Variants in TSPOAP1 observed in about 807,000 individuals in gnomAD.
TSPOAP1 encodes the protein TSPO associated protein 1, also known as peripheral-type benzodiazepine receptor-associated protein 1.
In TSPOAP1, 87 loss-of-function variants were observed where a neutral mutation model predicts 197.0. The ratio of observed to expected loss-of-function variants is 0.44; its 90% CI spans 0.37 to 0.53. TSPOAP1 has a LOEUF of 0.53. Among genes scored for constraint, TSPOAP1 ranks in the 20% least tolerant of loss-of-function variants. The probability of loss-of-function intolerance (pLI) is 0.00; values close to 1 mark genes in which losing one functional copy is unlikely to be tolerated. For synonymous variants in TSPOAP1, 913 were observed against 998.9 expected (o/e 0.91, Z 1.62); for missense variants, 2,174 against 2,411.3 (o/e 0.90, Z 2.06).
rs372557183 is a variant in TSPOAP1 at position 58,312,700 on chromosome 17, C to G, written c.2121G>C (p.Arg707Ser). 6 of 1,613,358 alleles carry G rather than the reference C, an allele frequency of 3.7e-6. No individual in the cohort carries two copies. The highest frequency in any genetic ancestry group is 5.1e-6 in the Non-Finnish European group (6 of 1,179,952). ...FFEGELMDGR[R>S]GLVPSNFVER... is the part of the protein sequence containing the mutation. ...CTACAAAATTGGAAGGGACCAGGCCCCTTCGGCCATCCATGAGCTCTCCTG... is the reference window on the plus strand; with the variant it reads ...CTACAAAATTGGAAGGGACCAGGCCGCTTCGGCCATCCATGAGCTCTCCTG... The change falls in exon 17 of 32, where the codon AGG (arginine) becomes AGC (serine). Residue 707 changes from arginine (R) to serine (S), a missense_variant. This residue lies in a region of TSPOAP1 where 1,933 missense variants were observed against 2,139.0 expected (regional missense o/e 0.90). Coordinates refer to ENST00000343736, the MANE Select transcript of TSPOAP1 (RefSeq NM_004758.4).
Position 58,322,939 on chromosome 17 carries a change from G to T in TSPOAP1, c.1194+11C>A, listed in dbSNP as rs374583506. 1 of 1,607,946 alleles carries T rather than the reference G, an allele frequency of 6.2e-7. No homozygotes were observed. The highest frequency in any genetic ancestry group is 1.1e-5 in the South Asian group (1 of 90,144). ...GCACAGGTCTCCACAGCACCTGGGC[G>T]GAAGTGGTACCTGCTCCTTCTCTGT... On this transcript the variant is annotated intron_variant, in intron 8 of 31. Coordinates refer to ENST00000343736, the MANE Select transcript of TSPOAP1 (RefSeq NM_004758.4). This position sits in a 1 kb window ranked among gnomAD's most constrained non-coding sequence, Gnocchi z 5.0.
intron 1 of TSPOAP1, among the ~76,000 whole-genome samples, chr17:58,327,264 G>A (rs11656162): frequency 2.0e-5 from 3 of 152,096 alleles, no homozygotes. Context: ...AGCCCCTAAG[G>A]ACAGACAGAC....
chr17:58,325,225 C>T (rs1420241271), intron 4 of TSPOAP1, among the ~76,000 whole-genome samples: 1 of 152,212 alleles, frequency 6.6e-6, no homozygotes, highest in African/African-American at 2.4e-5. Context: ...CTTGGGTGCT[C>T]TCAATGTGCC....
rs1272227916 is a variant in TSPOAP1, at chr17:58,326,987, C to T, written c.334-197G>A. 2.0e-5 allele frequency among the ~76,000 whole-genome samples: 3 copies of T among 152,122 alleles called. No individual in the cohort carries two copies. The highest frequency in any genetic ancestry group is 2.9e-5 in the Non-Finnish European group (2 of 68,014). On this transcript the variant is annotated intron_variant, in intron 1 of 31. Coordinates refer to ENST00000343736, the MANE Select transcript of TSPOAP1 (RefSeq NM_004758.4). This position sits in a 1 kb window ranked among gnomAD's most constrained non-coding sequence, Gnocchi z 4.7. ...GTCCAGTCCTCCCTGTCCACATAGA[C>T]ACCCCCAAACCTGGCACCCTCCTGC... is the stretch of plus-strand genomic sequence containing the variant.
At chr17:58,319,826 G>A (rs1044745250) in intron 12 of TSPOAP1, among the ~76,000 whole-genome samples, 1 of 152,216 alleles carries the variant, frequency 6.6e-6, no homozygotes, top group African/African-American at 2.4e-5. Flanking sequence ...GGCTCTCTCC[G>A]GCCACTATGG....
chr17:58,309,081 A>G lies in TSPOAP1; in HGVS notation c.4191T>C (p.Pro1397=), dbSNP rs1321667266. 18 of 1,613,186 alleles carry G rather than the reference A, an allele frequency of 1.1e-5. No homozygotes were observed. Among genetic ancestry groups the G allele is most frequent in the Non-Finnish European group, 1.4e-5 (17 of 1,179,994 alleles). ...TCCGGCTGCTTCCACCAACTAATCC[A>G]GGCATGTCTTCCAGGCAGTCTCCAG... ...SRAGDCLEDM[P]GLVGGSSRRR... Residue 1397 remains proline, a synonymous_variant, in exon 22 of 32, where the codon CCT becomes CCC. Coordinates refer to ENST00000343736, the MANE Select transcript of TSPOAP1 (RefSeq NM_004758.4). The surrounding 1 kb of genome is among the most constrained non-coding windows in gnomAD (Gnocchi z 5.0).
rs565862791 is a variant in TSPOAP1 at position 58,304,881 on chromosome 17, T to C, written c.5544+180A>G. ...TCCCTCTGCAGAGAGGGGCACATAC[T>C]GGGGGGCAGCTGCTTGGTGGGGCTC... On this transcript the variant is annotated intron_variant, in intron 30 of 31. Coordinates refer to ENST00000343736, the MANE Select transcript of TSPOAP1 (RefSeq NM_004758.4). This position sits in a 1 kb window ranked among gnomAD's most constrained non-coding sequence, Gnocchi z 4.2. The C allele has an allele frequency of 6.1e-5, 43 of 699,642 alleles. No homozygotes were observed. Among genetic ancestry groups the C allele is most frequent in the African/African-American group, 5.6e-4 (32 of 57,282 alleles). The allele number at this position is 699,642 out of a possible 1,614,324, so 43.3% of individuals were successfully genotyped here.
Position 58,312,735 on chromosome 17 carries a change from G to A in TSPOAP1, c.2099-13C>T. On this transcript the variant is annotated splice_polypyrimidine_tract_variant and intron_variant, in intron 16 of 31. Transcript: ENST00000343736. Reference sequence around the variant, plus strand: ...TCCATGAGCTCTCCTGGCAGGAGGAGGACAGGAAGGGGCAGGGCAGGGGAA... The same window carrying A: ...TCCATGAGCTCTCCTGGCAGGAGGAAGACAGGAAGGGGCAGGGCAGGGGAA... The A allele has an allele frequency of 6.2e-7, 1 of 1,607,968 alleles. No individual in the cohort carries two copies. Among genetic ancestry groups the A allele is most frequent in the Non-Finnish European group, 8.5e-7 (1 of 1,177,056 alleles).
chr17:58,308,297 G>A (rs942000999), intron 22 of TSPOAP1, among the ~76,000 whole-genome samples: 5 of 152,250 alleles, frequency 3.3e-5, no homozygotes, highest in Admixed American at 2.0e-4. Context: ...AGGAAAGGGC[G>A]ACCCTGCCCA....
chr17:58,309,646 G>C lies in TSPOAP1; in HGVS notation c.3892-266C>G, dbSNP rs902871644. Among the ~76,000 whole-genome samples the C allele has an allele frequency of 3.9e-5, 6 of 152,178 alleles. No individual in the cohort carries two copies. The highest frequency in any genetic ancestry group is 1.4e-4 in the African/African-American group (6 of 41,432). ...AGCCCCTGTGGGACAGGAGCATTGA[G>C]GAGCAGGCCTCCCCATCCCCTCCCC... On this transcript the variant is annotated intron_variant, in intron 21 of 31. Coordinates refer to ENST00000343736, the MANE Select transcript of TSPOAP1 (RefSeq NM_004758.4). This position sits in a 1 kb window ranked among gnomAD's most constrained non-coding sequence, Gnocchi z 5.0.
At chr17:58,302,477 A>G (rs958817583) in intron 31 of TSPOAP1, 30 bp from the exon 32 acceptor site, 30 of 1,199,084 alleles carry the variant, frequency 2.5e-5, no homozygotes, top group Non-Finnish European at 3.1e-5. Flanking sequence ...GAGCAAGGTC[A>G]GGGCCTGATT....
intron 24 of TSPOAP1, among the ~76,000 whole-genome samples, chr17:58,307,216 A>C (rs8073527): frequency 0.032 from 4,814 of 152,296 alleles, 271 homozygotes; most frequent in African/African-American, 0.11. Context: ...GGATCTCCTT[A>C]GTCTCAGAGC....
chr17:58,326,201 T>C lies in TSPOAP1; in HGVS notation c.570+92A>G. The C allele has an allele frequency of 2.6e-6, 4 of 1,556,800 alleles. No individual in the cohort carries two copies. The highest frequency in any genetic ancestry group is 8.7e-7 in the Non-Finnish European group (1 of 1,151,892). ...TTTCCTAGGTGCTGAGCTGAGACCG[T>C]GACTCCCAAGCTTCAGACAGCCCTC... On this transcript the variant is annotated intron_variant, in intron 3 of 31. Transcript: ENST00000343736. This position sits in a 1 kb window ranked among gnomAD's most constrained non-coding sequence, Gnocchi z 4.7.
At chr17:58,306,651 A>G in intron 25 of TSPOAP1, 149 bp downstream of exon 25, 1 of 1,067,214 alleles carries the variant, frequency 9.4e-7, no homozygotes, top group Non-Finnish European at 1.3e-6. Context: ...GTACAGTCTG[A>G]CCACTACGCA....
intron 31 of TSPOAP1, chr17:58,303,517 A>C (rs1598052507): frequency 6.7e-6 from 1 of 149,638 alleles, no homozygotes; most frequent in Non-Finnish European, 1.5e-5. Flanking sequence ...GGCCCTTCCC[A>C]CTCCCTCTTA....
At chr17:58,323,189 T>C (rs2143123157) in intron 7 of TSPOAP1, 109 bp downstream of exon 7, 1 of 1,482,512 alleles carries the variant, frequency 6.7e-7, no homozygotes. Context: ...GGAGGGAAAA[T>C]GTGTTCTTGA....
chr17:58,306,601 C>A (rs1970902084), intron 25 of TSPOAP1, 188 bp from the exon 26 acceptor site: 2 of 893,812 alleles, frequency 2.2e-6, no homozygotes, highest in Non-Finnish European at 3.4e-6. Flanking sequence ...TGGCTGTATT[C>A]CCCTCTGCAA....
intron 4 of TSPOAP1, 150 bp from the exon 5 acceptor site, chr17:58,325,152 T>G: frequency 1.4e-6 from 1 of 726,020 alleles, no homozygotes; most frequent in Non-Finnish European, 2.2e-6. Context: ...TGGTTACATG[T>G]GCATGCGTAT....
In TSPOAP1 at chr17:58,309,821, T is replaced by C. The variant is rs756281915; in HGVS notation, c.3891+146A>G. On this transcript the variant is annotated intron_variant, in intron 21 of 31. Transcript: ENST00000343736. This position sits in a 1 kb window ranked among gnomAD's most constrained non-coding sequence, Gnocchi z 5.0. Reference sequence around the variant, plus strand: ...GGGCAGGGGCCAATCCTGGGGCACTTCCTATCTTCTGCTTAGGACAGGGCC... The same window carrying C: ...GGGCAGGGGCCAATCCTGGGGCACTCCCTATCTTCTGCTTAGGACAGGGCC... 9.0e-7 allele frequency: 1 copy of C among 1,112,898 alleles called. No homozygotes were observed. Among genetic ancestry groups the C allele is most frequent in the African/African-American group, 1.6e-5 (1 of 64,088 alleles). The allele number at this position is 1,112,898 out of a possible 1,614,324, so 68.9% of individuals were successfully genotyped here. A position where few individuals can be genotyped will look rare whatever the true frequency, so the allele number is the denominator to read the frequency against.
Sources: allele counts gnomAD v4.1 joint callset (sites outside exome capture counted in the v4.1 genomes callset), GRCh38; gene constraint gnomAD v4.1.1; regional missense constraint gnomAD v4.1.1; non-coding constraint Gnocchi (gnomAD v3.1); transcripts MANE v1.5; gene names NCBI Gene and HGNC (gene_info 2026-07-23, HGNC 2026-07-21).